The following ADGB variants were observed in gnomAD, a reference collection of about 807,000 sequenced individuals.
The protein encoded by ADGB is androglobin.
A neutral mutation model predicts 210.5 loss-of-function variants in ADGB; 172 were observed. That is an observed-to-expected ratio of 0.82 (90% CI 0.72 to 0.93). ADGB has a LOEUF of 0.93. Ranked by LOEUF, ADGB falls within the 40% of genes least tolerant of loss-of-function variation. The probability of loss-of-function intolerance (pLI) is 0.00; values close to 1 mark genes in which losing one functional copy is unlikely to be tolerated. For synonymous variants in ADGB, 658 were observed against 662.7 expected (o/e 0.99, Z 0.11); for missense variants, 2,025 against 1,964.8 (o/e 1.03, Z -0.58).
intron 1 of ADGB, among the ~76,000 whole-genome samples, chr6:146,616,733 T>C (rs138322457): frequency 7.7e-4 from 117 of 152,294 alleles, no homozygotes; most frequent in Admixed American, 3.5e-3. Flanking sequence ...AAAAATGAGT[T>C]GGCTGTAAAT....
intron 12 of ADGB, among the ~76,000 whole-genome samples, chr6:146,694,324 T>C (rs1379761757): frequency 1.3e-5 from 2 of 152,152 alleles, no homozygotes; most frequent in African/African-American, 4.8e-5. Context: ...AGAGTCAATT[T>C]CTGGCAAGGG....
At chr6:146,716,121 C>G (rs1184367212) in intron 14 of ADGB, among the ~76,000 whole-genome samples, 2 of 151,622 alleles carry the variant, frequency 1.3e-5, no homozygotes, top group African/African-American at 4.8e-5. Flanking sequence ...TCTAGAACCA[C>G]TGACTGTGGG....
At chr6:146,641,263 G>A (rs1013220029) in intron 2 of ADGB, among the ~76,000 whole-genome samples, 5 of 151,686 alleles carry the variant, frequency 3.3e-5, no homozygotes, top group East Asian at 1.9e-4. Context: ...AGAAACAAAT[G>A]GGAAAACATT....
At chr6:146,703,251 AT>A (rs1012309255) in intron 13 of ADGB, among the ~76,000 whole-genome samples, 4 of 151,878 alleles carry the variant, frequency 2.6e-5, no homozygotes, top group South Asian at 4.1e-4. Flanking sequence ...TTTAAAATTT[AT>A]TTTTAATCGA....
intron 14 of ADGB, 69 bp from the exon 15 acceptor site, chr6:146,716,814 A>G (rs1175097027): frequency 7.3e-7 from 1 of 1,376,612 alleles, no homozygotes; most frequent in African/African-American, 1.5e-5. Flanking sequence ...GTTTCCCTTT[A>G]TCATTTTACA....
chr6:146,740,114 G>A (rs1290968057), intron 23 of ADGB, among the ~76,000 whole-genome samples: 1 of 152,086 alleles, frequency 6.6e-6, no homozygotes, highest in Non-Finnish European at 1.5e-5. Context: ...CAGTTTTGTT[G>A]CTGGTTTGCT....
intron 35 of ADGB, among the ~76,000 whole-genome samples, chr6:146,809,004 T>G (rs1778257412): frequency 1.3e-5 from 2 of 149,736 alleles, no homozygotes; most frequent in African/African-American, 5.0e-5. Flanking sequence ...TTATTGGTAA[T>G]CAACAAAGAA....
intron 12 of ADGB, among the ~76,000 whole-genome samples, chr6:146,696,860 C>A (rs1262619305): frequency 6.6e-6 from 1 of 151,860 alleles, no homozygotes. Context: ...AATTTTTTTT[C>A]TTGTTTCTAG....
In ADGB at chr6:146,740,485, C is replaced by G. The variant is rs1014612475; in HGVS notation, c.2915C>G (p.Ser972Cys). 6.5e-7 allele frequency: 1 copy of G among 1,546,856 alleles called. No homozygotes were observed. Among genetic ancestry groups the G allele is most frequent in the Admixed American group, 2.0e-5 (1 of 50,686 alleles). The stretch of plus-strand genomic sequence containing the variant: ...CTAATGTTTAAAAGCAAGTGCAAGT[C>G]TTTGGAATCTTATCCATGCTATCAA... ...LRLMFKSKCK[S>C]LESYPCYQDE... Residue 972 changes from serine to cysteine, a missense_variant, in exon 24 of 36, where the codon TCT (serine) becomes TGT (cysteine). Physicochemically the swap from Ser to Cys is moderately radical, Grantham distance 112. Transcript: ENST00000397944.
chr6:146,697,349 A>C (rs1375368095), intron 12 of ADGB, among the ~76,000 whole-genome samples: 1 of 152,218 alleles, frequency 6.6e-6, no homozygotes. Context: ...ATGGTTATAC[A>C]CATATATCAA....
intron 34 of ADGB, 27 bp downstream of exon 34, chr6:146,801,306 C>A: frequency 8.0e-7 from 1 of 1,256,948 alleles, no homozygotes; most frequent in East Asian, 2.9e-5. Flanking sequence ...ATGATTGATG[C>A]AGACAACTGT....
At position 146,746,110 on chromosome 6, in the gene ADGB, G is replaced by T; in HGVS notation, c.3365+1G>T. ...CCAATGATAAGAAAATTTTATTCAGGTACAAGTAAATGACAGAAGGGGAAA... is the reference window on the plus strand; with the variant it reads ...CCAATGATAAGAAAATTTTATTCAGTTACAAGTAAATGACAGAAGGGGAAA... On this transcript the variant is annotated splice_donor_variant, in intron 26 of 35. Transcript: ENST00000397944. LOFTEE classifies it high-confidence loss of function. 1.3e-6 allele frequency: 2 copies of T among 1,522,886 alleles called. No homozygotes were observed. The highest frequency in any genetic ancestry group is 1.8e-6 in the Non-Finnish European group (2 of 1,129,226). 94.3% of individuals were successfully genotyped at this position (1,522,886 alleles called of 1,614,324 possible).
At chr6:146,608,372 T>C (rs2114827008) in intron 1 of ADGB, among the ~76,000 whole-genome samples, 1 of 152,202 alleles carries the variant, frequency 6.6e-6, no homozygotes, top group Middle Eastern at 3.4e-3. Context: ...TTTCCATTTG[T>C]TTCAGCACAT....
At chr6:146,605,539 T>G (rs946227622) in intron 1 of ADGB, among the ~76,000 whole-genome samples, 2 of 152,144 alleles carry the variant, frequency 1.3e-5, no homozygotes, top group Non-Finnish European at 2.9e-5. Flanking sequence ...ATTATATATT[T>G]CATAAATGCA....
chr6:146,666,758 A>G, intron 6 of ADGB, 58 bp from the exon 7 acceptor site: 1 of 1,016,914 alleles, frequency 9.8e-7, no homozygotes, highest in Non-Finnish European at 1.5e-6. Context: ...TAGTTCTTAT[A>G]TATCTTTATG....
intron 13 of ADGB, among the ~76,000 whole-genome samples, chr6:146,709,072 A>C (rs1776620240): frequency 6.6e-6 from 1 of 152,154 alleles, no homozygotes; most frequent in Non-Finnish European, 1.5e-5. Context: ...TTATTAAAAT[A>C]ATTCCAATCT....
At chr6:146,782,249 C>T in intron 30 of ADGB, 57 bp downstream of exon 30, 1 of 1,387,118 alleles carries the variant, frequency 7.2e-7, no homozygotes, top group East Asian at 2.7e-5. Context: ...TCAGTGGATT[C>T]CTATTTGCCT....
chr6:146,799,058 C>CAAAAAAAAAAA (rs71552962), intron 33 of ADGB, among the ~76,000 whole-genome samples: 33 of 63,418 alleles, frequency 5.2e-4, no homozygotes, highest in African/African-American at 1.4e-3. Flanking sequence ...TATGGAAATG[C>CAAAAAAAAAAA]AAAAAAAAAA....
chr6:146,717,732 G>A (rs1776755863), intron 16 of ADGB, 133 bp downstream of exon 16: 1 of 461,660 alleles, frequency 2.2e-6, no homozygotes. Flanking sequence ...AATTTTTAGA[G>A]TCTCTCACTA....
Sources: allele counts gnomAD v4.1 joint callset (sites outside exome capture counted in the v4.1 genomes callset), GRCh38; gene constraint gnomAD v4.1.1; transcripts MANE v1.5; gene names NCBI Gene and HGNC (gene_info 2026-07-23, HGNC 2026-07-21).